Variants in TRPC3 observed in about 807,000 individuals in gnomAD.
TRPC3 encodes the protein short transient receptor potential channel 3.
Under a neutral mutation model 90.9 loss-of-function variants are expected in TRPC3, and 54 were observed. The observed-to-expected ratio is 0.59, with a 90% CI of 0.48 to 0.75. TRPC3 has a LOEUF of 0.75. TRPC3 is among the 30% of genes least tolerant of loss of function. The probability of loss-of-function intolerance (pLI) is 0.00; values close to 1 mark genes in which losing one functional copy is unlikely to be tolerated. For missense variants in TRPC3, 918 were observed against 1,194.5 expected, an observed-to-expected ratio of 0.77 and a Z score of 3.41; for synonymous variants, 424 against 450.9, an observed-to-expected ratio of 0.94 and a Z score of 0.75.
At chr4:121,917,309 C>T (rs149776706) in intron 3 of TRPC3, among the ~76,000 whole-genome samples, 2 of 152,300 alleles carry the variant, frequency 1.3e-5, no homozygotes, top group Non-Finnish European at 2.9e-5. Context: ...GTATATGTGA[C>T]AACTTTCTAG....
intron 2 of TRPC3, chr4:121,930,777 G>T: frequency 5.6e-6 from 2 of 354,392 alleles, no homozygotes; most frequent in Middle Eastern, 4.2e-4. Context: ...TTACCTAAAT[G>T]CTTTTCTACT....
intron 1 of TRPC3, among the ~76,000 whole-genome samples, chr4:121,934,082 C>T (rs527727533): frequency 6.6e-4 from 101 of 152,298 alleles, no homozygotes; most frequent in African/African-American, 2.0e-3. Context: ...CCTAACACAA[C>T]CACATTAGTT....
At chr4:121,897,453 C>CAA (rs70950860) in intron 10 of TRPC3, among the ~76,000 whole-genome samples, 1 of 43,434 alleles carries the variant, frequency 2.3e-5, no homozygotes, top group African/African-American at 9.0e-5. Flanking sequence ...ATCTCAACAG[C>CAA]AAAAAAAAAA....
At chr4:121,946,155 G>C (rs1407935160) in intron 1 of TRPC3, among the ~76,000 whole-genome samples, 1 of 152,112 alleles carries the variant, frequency 6.6e-6, no homozygotes, top group Non-Finnish European at 1.5e-5. Flanking sequence ...ATAGTGGTTA[G>C]GAAAACTTCC....
chr4:121,938,574 T>C (rs2149148045), intron 1 of TRPC3, among the ~76,000 whole-genome samples: 1 of 152,336 alleles, frequency 6.6e-6, no homozygotes, highest in Non-Finnish European at 1.5e-5. Context: ...GTATGTAATG[T>C]TTTCAATGCA....
intron 3 of TRPC3, among the ~76,000 whole-genome samples, chr4:121,916,146 C>T (rs963952358): frequency 6.6e-6 from 1 of 152,110 alleles, no homozygotes; most frequent in African/African-American, 2.4e-5. Flanking sequence ...CCAGGCAATT[C>T]CTAGAGTTAT....
rs373923310 is a variant in TRPC3 at position 121,911,664 on chromosome 4, G to A, written c.1558+213C>T. On this transcript the variant is annotated intron_variant, in intron 5 of 11. Coordinates refer to ENST00000379645, the MANE Select transcript of TRPC3 (RefSeq NM_001130698.2). ...ATAGTATATTTGTAATTAGGGTCAC[G>A]TTACTCATAAAAAATTTTATGTAGT... 2.6e-5 allele frequency among the ~76,000 whole-genome samples: 4 copies of A among 152,144 alleles called. No homozygotes were observed. In the South Asian group the frequency reaches 6.2e-4, roughly 24 times the overall value.
At chr4:121,930,830 T>A (rs1415696576) in intron 2 of TRPC3, 506 of 204,062 alleles carry the variant, frequency 2.5e-3, no homozygotes, top group South Asian at 3.1e-3. Context: ...CTCTGAGATC[T>A]AAAAAAAAAA....
At chr4:121,881,686 T>G (rs750399852) in intron 11 of TRPC3, among the ~76,000 whole-genome samples, 2 of 151,874 alleles carry the variant, frequency 1.3e-5, no homozygotes, top group Non-Finnish European at 2.9e-5. Context: ...TAGTGGCATC[T>G]CATTGGTGTT....
intron 1 of TRPC3, among the ~76,000 whole-genome samples, chr4:121,940,946 A>C (rs1290506739): frequency 1.3e-5 from 2 of 152,176 alleles, no homozygotes; most frequent in Non-Finnish European, 2.9e-5. Context: ...GGCAATTGAT[A>C]CTAATTCTGC....
chr4:121,929,164 C>G (rs1729811924), intron 2 of TRPC3, among the ~76,000 whole-genome samples: 1 of 152,166 alleles, frequency 6.6e-6, no homozygotes, highest in Admixed American at 6.5e-5. Context: ...TCAAGACACT[C>G]AAATCTAGGC....
At chr4:121,880,122 C>A (rs542276806) in intron 11 of TRPC3, among the ~76,000 whole-genome samples, 127 of 152,070 alleles carry the variant, frequency 8.4e-4, no homozygotes, top group Middle Eastern at 3.4e-3. Context: ...AAGTATTGTC[C>A]TTTTGTTGAC....
intron 4 of TRPC3, among the ~76,000 whole-genome samples, chr4:121,914,429 G>A (rs1057409530): frequency 6.6e-5 from 10 of 152,260 alleles, no homozygotes; most frequent in East Asian, 1.9e-4. Flanking sequence ...TCCATTCCCC[G>A]GTCTGTTCAC....
At chr4:121,917,006 C>T (rs140010226) in intron 3 of TRPC3, among the ~76,000 whole-genome samples, 1,595 of 152,206 alleles carry the variant, frequency 0.01, 9 homozygotes, top group African/African-American at 0.026. Flanking sequence ...TGAGCCACCA[C>T]GCCTGGCCGA....
chr4:121,937,969 C>T (rs529204792), intron 1 of TRPC3, among the ~76,000 whole-genome samples: 1 of 151,588 alleles, frequency 6.6e-6, no homozygotes, highest in Non-Finnish European at 1.5e-5. Flanking sequence ...GTGGGAGGAT[C>T]TCGGCTCGCT....
At chr4:121,927,355 T>C (rs1280508634) in intron 2 of TRPC3, among the ~76,000 whole-genome samples, 2 of 152,202 alleles carry the variant, frequency 1.3e-5, no homozygotes, top group East Asian at 1.9e-4. Flanking sequence ...CCTGAGAAAG[T>C]ATCTCATTTT....
At chr4:121,910,916 G>T (rs893744836) in intron 5 of TRPC3, among the ~76,000 whole-genome samples, 1 of 151,966 alleles carries the variant, frequency 6.6e-6, no homozygotes, top group Non-Finnish European at 1.5e-5. Context: ...GAGCAATATC[G>T]TTTGAAAAAG....
In TRPC3 at chr4:121,914,889, A is replaced by T; in HGVS notation, c.1232T>A (p.Leu411His). Residue 411 changes from leucine to histidine, a missense_variant, in exon 4 of 12, where the codon CTC becomes CAC. Leu to His is a moderately conservative substitution (Grantham distance 99, BLOSUM62 -3). This residue lies in a region of TRPC3 where 609 missense variants were observed against 725.9 expected (regional missense o/e 0.84). Transcript: ENST00000379645. ...QQLLTIWYEN[L>H]SGLREQTIAI... ...TATGGTCTGCTCCCTTAGGCCTGAG[A>T]GGTTCTCATACCAGATCGTCAAGAG... 1 of 1,613,524 alleles carries T rather than the reference A, an allele frequency of 6.2e-7. No homozygotes were observed. Among genetic ancestry groups the T allele is most frequent in the Non-Finnish European group, 8.5e-7 (1 of 1,179,530 alleles).
chr4:121,918,171 C>T (rs537961318), intron 3 of TRPC3, among the ~76,000 whole-genome samples: 10 of 152,294 alleles, frequency 6.6e-5, no homozygotes, highest in East Asian at 1.9e-4. Flanking sequence ...CATGTGAGGA[C>T]GTAGTGTTCC....
Sources: gnomAD v4.1 joint callset for allele counts (sites outside exome capture counted in the v4.1 genomes callset) on GRCh38, gnomAD v4.1.1 for gene constraint, gnomAD v4.1.1 regional missense constraint, MANE v1.5 for transcripts, NCBI Gene and HGNC (gene_info 2026-07-23, HGNC 2026-07-21) for gene names.